The following KAZN variants were observed in gnomAD, a reference collection of about 807,000 sequenced individuals.
KAZN encodes kazrin.
In KAZN, 40 loss-of-function variants were observed where a neutral mutation model predicts 87.4. The ratio of observed to expected loss-of-function variants is 0.46; its 90% CI spans 0.36 to 0.60. The LOEUF (loss-of-function observed/expected upper bound fraction) is 0.60. KAZN is among the 20% of genes least tolerant of loss of function. KAZN has a pLI of 0.00. For synonymous variants in KAZN, 466 were observed against 458.3 expected, an observed-to-expected ratio of 1.02 and a Z score of -0.22; for missense variants, 898 against 1,073.9, an observed-to-expected ratio of 0.84 and a Z score of 2.29.
chr1:13,912,166 GC>G (rs1639677400), intron 1 of KAZN, among the ~76,000 whole-genome samples: 1 of 152,154 alleles, frequency 6.6e-6, no homozygotes, highest in Non-Finnish European at 1.5e-5. Flanking sequence ...CGAGCACTGG[GC>G]TGCCCTGGGC....
intron 1 of KAZN, among the ~76,000 whole-genome samples, chr1:14,716,930 G>A (rs1642825889): frequency 6.6e-6 from 1 of 151,884 alleles, no homozygotes; most frequent in South Asian, 2.1e-4. Flanking sequence ...TTCCCTTGGA[G>A]CATCTTATGC....
At chr1:14,483,775 ATTTGTCTGTTTTCACT>A (rs1213772172) in intron 2 of KAZN, among the ~76,000 whole-genome samples, 8 of 152,052 alleles carry the variant, frequency 5.3e-5, no homozygotes, top group Admixed American at 5.2e-4. Flanking sequence ...GGTTAATCCT[ATTTGTCTGTTTTCACT>A]TTTGTTGCCC....
At chr1:14,411,420 G>A (rs775320178) in intron 2 of KAZN, among the ~76,000 whole-genome samples, 2 of 152,076 alleles carry the variant, frequency 1.3e-5, no homozygotes, top group Non-Finnish European at 1.5e-5. Flanking sequence ...TCAACCTCCC[G>A]AGTAGCTGTA....
chr1:14,478,972 G>T (rs1349433848), intron 2 of KAZN, among the ~76,000 whole-genome samples: 1 of 152,228 alleles, frequency 6.6e-6, no homozygotes, highest in Non-Finnish European at 1.5e-5. Context: ...TATAAAGGTT[G>T]TTGTTATGGG....
At chr1:14,233,525 C>G (rs572386000) in intron 2 of KAZN, among the ~76,000 whole-genome samples, 1 of 152,134 alleles carries the variant, frequency 6.6e-6, no homozygotes, top group Non-Finnish European at 1.5e-5. Context: ...TGGTAAGTGC[C>G]TAATACAGGT....
chr1:14,276,865 C>G (rs1652398736), intron 2 of KAZN, among the ~76,000 whole-genome samples: 1 of 152,206 alleles, frequency 6.6e-6, no homozygotes, highest in South Asian at 2.1e-4. Flanking sequence ...ACCAATCTTG[C>G]ATTCCTTTGT....
intron 1 of KAZN, among the ~76,000 whole-genome samples, chr1:14,888,418 T>C (rs982194160): frequency 6.6e-6 from 1 of 152,236 alleles, no homozygotes; most frequent in Middle Eastern, 3.4e-3. Flanking sequence ...CGAGGTCAGG[T>C]AGGAGGCTCC....
rs142525450 is a variant in KAZN at position 14,811,717 on chromosome 1, G to T, written c.227-148967G>T. Among the ~76,000 whole-genome samples the T allele has an allele frequency of 2.0e-5, 3 of 152,260 alleles. No homozygotes were observed. The East Asian group carries it at 5.8e-4, about 29-fold the overall frequency. On this transcript the variant is annotated intron_variant, in intron 1 of 14. Coordinates refer to ENST00000376030, the MANE Select transcript of KAZN (RefSeq NM_201628.3). Reference sequence around the variant, plus strand: ...ACAAGAATGCATCTTCATATTAAAGGCATGGTAGTTGAATTGGCAGCTTTG... The same window carrying T: ...ACAAGAATGCATCTTCATATTAAAGTCATGGTAGTTGAATTGGCAGCTTTG...
intron 1 of KAZN, among the ~76,000 whole-genome samples, chr1:14,706,679 G>A (rs1014059230): frequency 2.0e-5 from 3 of 152,106 alleles, no homozygotes; most frequent in African/African-American, 7.2e-5. Context: ...ACAGTTGGAG[G>A]TACTGAGGGT....
At chr1:14,019,852 A>G (rs1043162495) in intron 1 of KAZN, among the ~76,000 whole-genome samples, 3 of 151,990 alleles carry the variant, frequency 2.0e-5, no homozygotes, top group Admixed American at 6.6e-5. Flanking sequence ...ACGGAAGACA[A>G]TTTTTCCATG....
intron 1 of KAZN, among the ~76,000 whole-genome samples, chr1:14,133,365 CAA>C (rs779709247): frequency 7.2e-4 from 19 of 26,566 alleles, no homozygotes; most frequent in African/African-American, 3.1e-3. Flanking sequence ...GACTCCCTCT[CAA>C]AAAAAAAAAA....
At chr1:14,057,207 T>A (rs1642610500) in intron 1 of KAZN, among the ~76,000 whole-genome samples, 1 of 151,696 alleles carries the variant, frequency 6.6e-6, no homozygotes, top group Non-Finnish European at 1.5e-5. Flanking sequence ...CAATCTCAGC[T>A]CACTGCAATC....
At position 14,667,045 on chromosome 1, in the gene KAZN, TA is replaced by T. The variant is rs1294249327; in HGVS notation, c.226+67825del. 3.3e-5 allele frequency among the ~76,000 whole-genome samples: 5 copies of T among 152,320 alleles called. 1 individual carries two copies. The highest frequency in any genetic ancestry group is 1.2e-4 in the African/African-American group (5 of 41,576). On this transcript the variant is annotated intron_variant, in intron 1 of 14. Transcript: ENST00000376030. The stretch of plus-strand genomic sequence containing the variant: ...CAACCGTTGAATTTAAGGCCCACCC[TA>T]AATCCAGGAAGACGTCATCTCAAGA...
intron 1 of KAZN, among the ~76,000 whole-genome samples, chr1:13,971,506 C>T (rs1018405378): frequency 2.3e-4 from 35 of 152,260 alleles, no homozygotes; most frequent in African/African-American, 8.4e-4. Context: ...TGCATCTTTC[C>T]AGCCATCTTC....
chr1:14,932,511 C>G (rs935378624), intron 1 of KAZN, among the ~76,000 whole-genome samples: 1 of 152,202 alleles, frequency 6.6e-6, no homozygotes, highest in African/African-American at 2.4e-5. Context: ...GCAGCTAGTA[C>G]GACTGAAGAA....
intron 2 of KAZN, among the ~76,000 whole-genome samples, chr1:14,474,180 T>G (rs1018380198): frequency 2.6e-5 from 4 of 152,148 alleles, no homozygotes; most frequent in African/African-American, 9.7e-5. Context: ...GAGTTATGCT[T>G]TAGTTTGCTG....
intron 1 of KAZN, among the ~76,000 whole-genome samples, chr1:13,923,575 A>AG (rs1413248436): frequency 1.5e-5 from 2 of 135,918 alleles, no homozygotes; most frequent in Non-Finnish European, 3.2e-5. Context: ...TCCATCTCAA[A>AG]AAAAAAAAAA....
intron 2 of KAZN, among the ~76,000 whole-genome samples, chr1:14,435,775 G>A (rs1215633339): frequency 1.3e-5 from 2 of 151,996 alleles, no homozygotes; most frequent in Non-Finnish European, 2.9e-5. Context: ...AATGGGGATG[G>A]TGACAGGGCC....
chr1:14,762,978 T>C (rs1644784339), intron 1 of KAZN, among the ~76,000 whole-genome samples: 1 of 152,240 alleles, frequency 6.6e-6, no homozygotes, highest in African/African-American at 2.4e-5. Context: ...GTGACATTTC[T>C]GTAATGCTTC....
Sources: gnomAD v4.1 joint callset for allele counts (sites outside exome capture counted in the v4.1 genomes callset) on GRCh38, gnomAD v4.1.1 for gene constraint, MANE v1.5 for transcripts, NCBI Gene and HGNC (gene_info 2026-07-23, HGNC 2026-07-21) for gene names.